PTPRG: variants seen among roughly 807,000 people sequenced by gnomAD.
PTPRG encodes protein tyrosine phosphatase receptor type G, also known as receptor-type tyrosine-protein phosphatase gamma.
PTPRG carries 102 observed loss-of-function variants against 165.3 expected under a neutral mutation model. The observed-to-expected ratio is 0.62, with a 90% CI of 0.53 to 0.73. PTPRG has a LOEUF of 0.73. Ranked by LOEUF, PTPRG falls within the 30% of genes least tolerant of loss-of-function variation. The pLI is 0.00. For missense variants in PTPRG, 1,866 were observed against 1,861.4 expected (o/e 1.00, Z -0.05); for synonymous variants, 675 against 669.5 (o/e 1.01, Z -0.13).
intron 2 of PTPRG, among the ~76,000 whole-genome samples, chr3:61,961,919 C>G (rs2040161362): frequency 6.6e-6 from 1 of 152,180 alleles, no homozygotes; most frequent in Non-Finnish European, 1.5e-5. Flanking sequence ...AGCATTATTT[C>G]AGACACAGCT....
At chr3:61,594,571 T>C (rs1324421851) in intron 1 of PTPRG, among the ~76,000 whole-genome samples, 2 of 152,212 alleles carry the variant, frequency 1.3e-5, no homozygotes, top group African/African-American at 4.8e-5. Flanking sequence ...CAATCAGTTA[T>C]TTCTGCGGAA....
chr3:61,849,221 G>A (rs2036891108), intron 2 of PTPRG, among the ~76,000 whole-genome samples: 1 of 152,158 alleles, frequency 6.6e-6, no homozygotes, highest in Admixed American at 6.5e-5. Context: ...TCCTAAATTT[G>A]TACAGGATGG....
chr3:61,726,468 A>G (rs2032261009), intron 1 of PTPRG, among the ~76,000 whole-genome samples: 2 of 152,162 alleles, frequency 1.3e-5, no homozygotes, highest in South Asian at 4.1e-4. Flanking sequence ...TAATGGAAAT[A>G]TACTGCCATT....
chr3:61,596,888 T>C (rs1472610239), intron 1 of PTPRG, among the ~76,000 whole-genome samples: 1 of 152,166 alleles, frequency 6.6e-6, no homozygotes, highest in East Asian at 1.9e-4. Context: ...ACCTATATTT[T>C]AGTAACATAT....
At chr3:61,602,629 A>G (rs1700901312) in intron 1 of PTPRG, among the ~76,000 whole-genome samples, 1 of 152,176 alleles carries the variant, frequency 6.6e-6, no homozygotes, top group Admixed American at 6.5e-5. Flanking sequence ...ACTGTCTATT[A>G]CTATCTTGAC....
chr3:61,665,242 A>G (rs1702778392), intron 1 of PTPRG, among the ~76,000 whole-genome samples: 1 of 152,194 alleles, frequency 6.6e-6, no homozygotes, highest in Non-Finnish European at 1.5e-5. Flanking sequence ...TAAGAAATAC[A>G]TTGCTGGCCT....
intron 4 of PTPRG, among the ~76,000 whole-genome samples, chr3:62,026,315 T>G (rs1209054741): frequency 1.3e-5 from 2 of 152,218 alleles, no homozygotes; most frequent in Non-Finnish European, 2.9e-5. Flanking sequence ...ATTCAAGTGT[T>G]TTTTATATTA....
chr3:61,708,985 A>G (rs768343201), intron 1 of PTPRG, among the ~76,000 whole-genome samples: 3 of 152,264 alleles, frequency 2.0e-5, no homozygotes, highest in Non-Finnish European at 2.9e-5. Context: ...GGAAGCAAAC[A>G]CTGGTAGTAA....
chr3:62,293,490 T>C lies in PTPRG; in HGVS notation c.*183T>C. On this transcript the variant is annotated 3_prime_UTR_variant, in exon 30 of 30. Coordinates refer to ENST00000474889, the MANE Select transcript of PTPRG (RefSeq NM_002841.4). ...GTATCCTACTGAGCATTTGCACCTC[T>C]GTTCATTTCACACAGTGAAACGCAA... is the stretch of plus-strand genomic sequence containing the variant. 1 of 479,586 alleles carries C rather than the reference T, an allele frequency of 2.1e-6. No individual in the cohort carries two copies. 29.7% of individuals were successfully genotyped at this position (479,586 alleles called of 1,614,324 possible).
chr3:62,191,409 C>A, intron 8 of PTPRG, 60 bp from the exon 9 acceptor site: 1 of 1,525,660 alleles, frequency 6.6e-7, no homozygotes, highest in African/African-American at 1.4e-5. Flanking sequence ...TCCTTAGGGG[C>A]ACGGATTGAA....
At chr3:61,665,147 A>G (rs149930384) in intron 1 of PTPRG, among the ~76,000 whole-genome samples, 15 of 152,270 alleles carry the variant, frequency 9.9e-5, no homozygotes, top group Admixed American at 2.0e-4. Context: ...CTTGTGTAGT[A>G]GGTAGGGGCT....
At chr3:62,183,451 C>T (rs1310406231) in intron 8 of PTPRG, among the ~76,000 whole-genome samples, 1 of 151,822 alleles carries the variant, frequency 6.6e-6, no homozygotes, top group African/African-American at 2.4e-5. Context: ...GTAATCTCAG[C>T]TACTTGGGAG....
At chr3:61,831,880 A>T (rs984535412) in intron 2 of PTPRG, among the ~76,000 whole-genome samples, 2 of 152,214 alleles carry the variant, frequency 1.3e-5, no homozygotes, top group African/African-American at 4.8e-5. Context: ...GGGTGGTAAA[A>T]GTTTTCTAAT....
intron 2 of PTPRG, among the ~76,000 whole-genome samples, chr3:61,757,299 C>G (rs1425944377): frequency 6.6e-6 from 1 of 151,866 alleles, no homozygotes; most frequent in Non-Finnish European, 1.5e-5. Flanking sequence ...AGAAGCATAT[C>G]TAGAATATTT....
intron 1 of PTPRG, among the ~76,000 whole-genome samples, chr3:61,575,096 T>C (rs1700145525): frequency 1.3e-5 from 2 of 152,204 alleles, no homozygotes; most frequent in Admixed American, 1.3e-4. Flanking sequence ...ACTTTAGCGT[T>C]AGAGTTCTTT....
At chr3:62,058,377 AC>A (rs1456390820) in intron 4 of PTPRG, among the ~76,000 whole-genome samples, 1 of 152,104 alleles carries the variant, frequency 6.6e-6, no homozygotes, top group Non-Finnish European at 1.5e-5. Context: ...TGCTATGTCA[AC>A]CAGGGTTGTC....
chr3:61,865,259 C>A (rs1330246780), intron 2 of PTPRG, among the ~76,000 whole-genome samples: 4 of 152,110 alleles, frequency 2.6e-5, no homozygotes, highest in African/African-American at 9.7e-5. Flanking sequence ...CCATGCCAAA[C>A]CCCCACAACA....
intron 2 of PTPRG, among the ~76,000 whole-genome samples, chr3:61,922,964 A>G (rs1407888657): frequency 6.6e-6 from 1 of 152,098 alleles, no homozygotes; most frequent in Non-Finnish European, 1.5e-5. Flanking sequence ...TTAAAACATT[A>G]TTTCTATCCT....
intron 1 of PTPRG, among the ~76,000 whole-genome samples, chr3:61,746,040 TTTTTC>T (rs1051697934): frequency 8.3e-6 from 1 of 120,942 alleles, no homozygotes; most frequent in African/African-American, 3.1e-5. Flanking sequence ...ACTTTCTTTC[TTTTTC>T]TTTTCTTTTT....
Sources: gnomAD v4.1 joint callset for allele counts (sites outside exome capture counted in the v4.1 genomes callset) on GRCh38, gnomAD v4.1.1 for gene constraint, MANE v1.5 for transcripts, NCBI Gene and HGNC (gene_info 2026-07-23, HGNC 2026-07-21) for gene names.